SCN8A: variants seen among roughly 807,000 people sequenced by gnomAD.
SCN8A encodes the protein sodium channel protein type 8 subunit alpha.
In SCN8A, 30 loss-of-function variants were observed where a neutral mutation model predicts 184.1. That is an observed-to-expected ratio of 0.16 (90% CI 0.12 to 0.22). The LOEUF is 0.22. SCN8A is among the 10% of genes least tolerant of loss of function. The probability of loss-of-function intolerance (pLI) is 1.00; values close to 1 mark genes in which losing one functional copy is unlikely to be tolerated. For synonymous variants in SCN8A, 852 were observed against 907.0 expected (o/e 0.94, Z 1.09); for missense variants, 1,057 against 2,498.9 (o/e 0.42, Z 12.30).
At chr12:51,734,805 A>T (rs1428815094) in intron 12 of SCN8A, among the ~76,000 whole-genome samples, 1 of 152,244 alleles carries the variant, frequency 6.6e-6, no homozygotes, top group East Asian at 1.9e-4. Flanking sequence ...GCATCTGCAG[A>T]CTATACAAAG....
At chr12:51,717,619 A>G (rs1941987418) in intron 11 of SCN8A, among the ~76,000 whole-genome samples, 1 of 152,228 alleles carries the variant, frequency 6.6e-6, no homozygotes, top group Non-Finnish European at 1.5e-5. Flanking sequence ...CAATCCAGCA[A>G]CATGGAAGAA....
chr12:51,632,085 T>C (rs1328129812), intron 1 of SCN8A, among the ~76,000 whole-genome samples: 3 of 152,142 alleles, frequency 2.0e-5, no homozygotes, highest in Non-Finnish European at 4.4e-5. Flanking sequence ...CCCAAACCCA[T>C]GTCTACCTGG....
At chr12:51,750,457 A>T (rs999619712) in intron 13 of SCN8A, among the ~76,000 whole-genome samples, 1 of 152,200 alleles carries the variant, frequency 6.6e-6, no homozygotes, top group Non-Finnish European at 1.5e-5. Context: ...AGAAAGAAGG[A>T]GACAGGAGGA....
In SCN8A at chr12:51,628,414, T is replaced by C. The variant is rs533542660; in HGVS notation, c.-54-34350T>C. Among the ~76,000 whole-genome samples, 4 of 152,350 alleles carry C rather than the reference T, an allele frequency of 2.6e-5. No homozygotes were observed. The South Asian group carries it at 6.2e-4, about 24-fold the overall frequency. On this transcript the variant is annotated intron_variant, in intron 1 of 26. Coordinates refer to ENST00000627620, the MANE Select transcript of SCN8A (RefSeq NM_001330260.2). ...CTGAGGCTACTGATGTCACTAATAATATAATCCATGTAGAGTGTCAGAGGT... is the reference window on the plus strand; with the variant it reads ...CTGAGGCTACTGATGTCACTAATAACATAATCCATGTAGAGTGTCAGAGGT...
Position 51,679,795 on chromosome 12 carries a change from G to A in SCN8A, c.277-4379G>A, listed in dbSNP as rs988707036. On this transcript the variant is annotated intron_variant, in intron 2 of 26. Coordinates refer to ENST00000627620, the MANE Select transcript of SCN8A (RefSeq NM_001330260.2). ...GGCTGGAGTGCAGTGGTGCAATCTTGGCTCACTGCAAGCTTTGCCTCCTGG... is the reference window on the plus strand; with the variant it reads ...GGCTGGAGTGCAGTGGTGCAATCTTAGCTCACTGCAAGCTTTGCCTCCTGG... Among the ~76,000 whole-genome samples the A allele has an allele frequency of 3.6e-5, 5 of 138,012 alleles. No individual in the cohort carries two copies. The East Asian group carries it at 1.1e-3, about 29-fold the overall frequency. The allele number at this position is 138,012 out of a possible 152,430, so 90.5% of individuals were successfully genotyped here. A position where few individuals can be genotyped will look rare whatever the true frequency, so the allele number is the denominator to read the frequency against.
intron 1 of SCN8A, among the ~76,000 whole-genome samples, chr12:51,637,075 T>G (rs1177268212): frequency 1.3e-5 from 2 of 152,252 alleles, no homozygotes; most frequent in Non-Finnish European, 2.9e-5. Context: ...TTATTACATC[T>G]GTTATGGCGA....
intron 6 of SCN8A, among the ~76,000 whole-genome samples, chr12:51,693,344 G>A (rs1156687414): frequency 2.6e-5 from 4 of 152,176 alleles, no homozygotes; most frequent in African/African-American, 4.8e-5. Context: ...AATGCTCACA[G>A]GATCCCACTG....
At chr12:51,623,935 G>C (rs2138602062) in intron 1 of SCN8A, among the ~76,000 whole-genome samples, 1 of 152,284 alleles carries the variant, frequency 6.6e-6, no homozygotes, top group East Asian at 1.9e-4. Flanking sequence ...CCCTACAAAG[G>C]ACATGAACTC....
intron 6 of SCN8A, chr12:51,689,797 A>C (rs1941477415): frequency 6.6e-6 from 1 of 152,236 alleles, no homozygotes; most frequent in South Asian, 2.1e-4. Flanking sequence ...GATACAACTA[A>C]AGGTATGGGC....
At chr12:51,660,377 G>A (rs1039264887) in intron 1 of SCN8A, among the ~76,000 whole-genome samples, 1 of 152,216 alleles carries the variant, frequency 6.6e-6, no homozygotes, top group African/African-American at 2.4e-5. Flanking sequence ...AGCATCTTCA[G>A]TGACTTACTC....
At chr12:51,686,073 A>T (rs1378402926) in intron 3 of SCN8A, among the ~76,000 whole-genome samples, 1 of 152,224 alleles carries the variant, frequency 6.6e-6, no homozygotes, top group Non-Finnish European at 1.5e-5. Flanking sequence ...CTTAGTCTGT[A>T]GTTGAGCTGA....
At chr12:51,647,332 G>A (rs1940612641) in intron 1 of SCN8A, among the ~76,000 whole-genome samples, 1 of 152,218 alleles carries the variant, frequency 6.6e-6, no homozygotes, top group Admixed American at 6.5e-5. Flanking sequence ...TTTCTGGGGG[G>A]AAGACATACA....
At chr12:51,669,037 A>G (rs1941086083) in intron 2 of SCN8A, among the ~76,000 whole-genome samples, 1 of 152,222 alleles carries the variant, frequency 6.6e-6, no homozygotes, top group Non-Finnish European at 1.5e-5. Context: ...ATGTTACCAT[A>G]TTGAATGCTG....
At chr12:51,785,435 G>A (rs1196988325) in intron 21 of SCN8A, among the ~76,000 whole-genome samples, 1 of 152,154 alleles carries the variant, frequency 6.6e-6, no homozygotes, top group South Asian at 2.1e-4. Flanking sequence ...AATCTAAAAG[G>A]AAGAGTGACT....
At chr12:51,639,574 G>C (rs1565869422) in intron 1 of SCN8A, among the ~76,000 whole-genome samples, 1 of 152,114 alleles carries the variant, frequency 6.6e-6, no homozygotes, top group Non-Finnish European at 1.5e-5. Flanking sequence ...GCCACAGCGT[G>C]ACTCAAATTG....
chr12:51,687,251 G>A (rs771372034), intron 5 of SCN8A, 32 bp downstream of exon 5: 1 of 1,611,466 alleles, frequency 6.2e-7, no homozygotes, highest in East Asian at 2.2e-5. Context: ...TTGGTGTTCT[G>A]GGTGTGATTC....
chr12:51,713,470 G>A (rs1430255333), intron 11 of SCN8A: 1 of 771,328 alleles, frequency 1.3e-6, no homozygotes, highest in Non-Finnish European at 2.4e-6. Context: ...ATCATCTGTA[G>A]TTTCAAAGTT....
At chr12:51,724,207 AGGCTGAGGTG>A (rs1409464109) in intron 12 of SCN8A, among the ~76,000 whole-genome samples, 2 of 152,200 alleles carry the variant, frequency 1.3e-5, no homozygotes, top group Non-Finnish European at 2.9e-5. Flanking sequence ...GCACTTTAGG[AGGCTGAGGTG>A]GGCAGATCAC....
intron 21 of SCN8A, among the ~76,000 whole-genome samples, chr12:51,785,375 A>G (rs1169112096): frequency 2.0e-5 from 3 of 152,238 alleles, no homozygotes; most frequent in Admixed American, 1.3e-4. Context: ...ACTGCCTCTC[A>G]GTCTAAAGGC....
Sources: allele counts gnomAD v4.1 joint callset (sites outside exome capture counted in the v4.1 genomes callset), GRCh38; gene constraint gnomAD v4.1.1; transcripts MANE v1.5; gene names NCBI Gene and HGNC (gene_info 2026-07-23, HGNC 2026-07-21).